The following ZFP41 variants were observed in gnomAD, a reference collection of about 807,000 sequenced individuals.
The protein encoded by ZFP41 is ZFP41 zinc finger protein, also known as zinc finger protein 41 homolog.
Under a neutral mutation model 11.6 loss-of-function variants are expected in ZFP41, and 10 were observed. The observed-to-expected ratio is 0.86, with a 90% CI of 0.53 to 1.47. ZFP41 has a LOEUF of 1.47. Ranked by LOEUF, ZFP41 falls within the 40% of genes most tolerant of loss-of-function variation. The probability of loss-of-function intolerance (pLI) is 0.00; values close to 1 mark genes in which losing one functional copy is unlikely to be tolerated. For missense variants in ZFP41, 302 were observed against 264.6 expected (o/e 1.14, Z -0.98); for synonymous variants, 123 against 100.9 (o/e 1.22, Z -1.31).
intron 1 of ZFP41, 97 bp from the exon 2 acceptor site, chr8:143,249,593 T>TG (rs1401863462): frequency 4.7e-5 from 22 of 467,442 alleles, no homozygotes; most frequent in Non-Finnish European, 7.7e-5. Context: ...GAGACACTCT[T>TG]GGGGGAACAC....
chr8:143,249,477 G>A (rs1213170373), intron 1 of ZFP41: 1 of 190,318 alleles, frequency 5.3e-6, no homozygotes, highest in South Asian at 1.2e-4. Context: ...CCGGAACCCC[G>A]GCAGAGGAGC....
chr8:143,261,089 T>C lies in ZFP41; in HGVS notation c.*2215T>C, dbSNP rs1317184950. 1.3e-5 allele frequency: 2 copies of C among 152,308 alleles called. No individual in the cohort carries two copies. The highest frequency in any genetic ancestry group is 1.9e-4 in the East Asian group (1 of 5,178). 9.4% of individuals were successfully genotyped at this position (152,308 alleles called of 1,614,324 possible). On this transcript the variant is annotated 3_prime_UTR_variant, in exon 3 of 3. Coordinates refer to ENST00000330701, the MANE Select transcript of ZFP41 (RefSeq NM_173832.6). Reference sequence around the variant, plus strand: ...GACCAGCCCTCCTTGTCTGGGCCTCTGTTTCCTCTTCGACACAGGGAAGCA... The same window carrying C: ...GACCAGCCCTCCTTGTCTGGGCCTCCGTTTCCTCTTCGACACAGGGAAGCA...
At chr8:143,259,139 C>G (rs1260887937) in intron 2 of ZFP41, among the ~76,000 whole-genome samples, 1 of 152,234 alleles carries the variant, frequency 6.6e-6, no homozygotes, top group Non-Finnish European at 1.5e-5. Flanking sequence ...GTCTGTTGGT[C>G]AAGGGAAGCT....
Position 143,249,895 on chromosome 8 carries a change from G to A in ZFP41, c.52G>A (p.Ala18Thr), listed in dbSNP as rs1051391963. The A allele has an allele frequency of 8.1e-6, 13 of 1,612,466 alleles. No individual in the cohort carries two copies. The highest frequency in any genetic ancestry group is 1.1e-5 in the Non-Finnish European group (13 of 1,179,514). Residue 18 changes from alanine to threonine, a missense_variant, in exon 2 of 3, where the codon GCA (alanine) becomes ACA (threonine). By Grantham distance (58) the Ala-to-Thr change is moderately conservative. Transcript: ENST00000330701. ...KKKTPTPREE[A>T]DVQKSALREE... is the part of the protein sequence containing the mutation. ...GAAGACGCCGACCCCAAGGGAGGAG[G>A]CAGACGTGCAGAAGAGTGCGCTCAG...
Position 143,250,421 on chromosome 8 carries a change from A to G in ZFP41, c.578A>G (p.His193Arg). The change falls in exon 2 of 3, where the codon CAC becomes CGC. Residue 193 changes from histidine (H) to arginine (R), a missense_variant. By Grantham distance (29) the His-to-Arg change is conservative. Coordinates refer to ENST00000330701, the MANE Select transcript of ZFP41 (RefSeq NM_173832.6). ...SSCLIRHQKR[H>R]PRKKP is the part of the protein sequence containing the mutation. The stretch of plus-strand genomic sequence containing the variant: ...TGTCTCATCCGCCATCAGAAACGCC[A>G]CCCTCGGAAGAAGCCCTGAGCCGGG... The G allele has an allele frequency of 6.2e-7, 1 of 1,610,624 alleles. No individual in the cohort carries two copies. Among genetic ancestry groups the G allele is most frequent in the Non-Finnish European group, 8.5e-7 (1 of 1,177,902 alleles).
At chr8:143,258,700 A>G (rs1814969395) in intron 2 of ZFP41, among the ~76,000 whole-genome samples, 1 of 152,192 alleles carries the variant, frequency 6.6e-6, no homozygotes, top group South Asian at 2.1e-4. Flanking sequence ...ACGCAGCGAG[A>G]CCCCATCTCT....
chr8:143,256,960 G>C (rs1586716810), intron 2 of ZFP41, among the ~76,000 whole-genome samples: 1 of 152,254 alleles, frequency 6.6e-6, no homozygotes, highest in African/African-American at 2.4e-5. Flanking sequence ...GCTGACCTCT[G>C]CTTCGGTGTC....
In ZFP41 at chr8:143,251,620, C is replaced by T. The variant is rs556254575; in HGVS notation, c.*900+280C>T. The stretch of plus-strand genomic sequence containing the variant: ...CTGTCCTGGAAGGAGGGTCCCGATT[C>T]GAGCTGGAGATGGCCTTGGCCTTGT... On this transcript the variant is annotated intron_variant, in intron 2 of 2. Transcript: ENST00000330701. Among the ~76,000 whole-genome samples the T allele has an allele frequency of 1.1e-4, 17 of 152,360 alleles. No homozygotes were observed. The East Asian group carries it at 1.2e-3, about 10-fold the overall frequency.
chr8:143,252,610 CG>C (rs1345242292), intron 2 of ZFP41: 1 of 984,680 alleles, frequency 1.0e-6, no homozygotes, highest in Non-Finnish European at 1.2e-6. Flanking sequence ...GCACGGCCTT[CG>C]TGGCTTCTCA....
rs1816763795 is a variant in ZFP41, at chr8:143,249,881, C to T, written c.38C>T (p.Thr13Ile). The change falls in exon 2 of 3, where the codon ACC becomes ATC. Residue 13 changes from threonine to isoleucine, a missense_variant. Thr to Ile is a moderately conservative substitution (Grantham distance 89, BLOSUM62 -1). Transcript: ENST00000330701. ...GCAGGCAGAAAAAAGAAGACGCCGA[C>T]CCCAAGGGAGGAGGCAGACGTGCAG... ...KPAGRKKKTP[T>I]PREEADVQKS... 3 of 1,609,034 alleles carry T rather than the reference C, an allele frequency of 1.9e-6. No individual in the cohort carries two copies. The highest frequency in any genetic ancestry group is 2.5e-6 in the Non-Finnish European group (3 of 1,178,400).
chr8:143,258,908 C>T (rs1814973736), intron 2 of ZFP41, among the ~76,000 whole-genome samples: 1 of 152,200 alleles, frequency 6.6e-6, no homozygotes, highest in South Asian at 2.1e-4. Context: ...GTCCTCATCT[C>T]CTGCTGCGGC....
intron 1 of ZFP41, among the ~76,000 whole-genome samples, chr8:143,248,979 AAG>A (rs1413266854): frequency 6.6e-6 from 1 of 152,152 alleles, no homozygotes; most frequent in East Asian, 1.9e-4. Context: ...CCTCTCAACA[AAG>A]AGAATTCAAA....
Position 143,250,341 on chromosome 8 carries a change from C to A in ZFP41, c.498C>A (p.Thr166=). Residue 166 remains threonine (T), a synonymous_variant, in exon 2 of 3, where the codon ACC becomes ACA. Coordinates refer to ENST00000330701, the MANE Select transcript of ZFP41 (RefSeq NM_173832.6). ...TCCTGAAACATCAGAAGACGCACAC[C>A]GGGGAGAAGCCCTACGAATGCACGC... ...SNLLKHQKTH[T]GEKPYECTHC... 5 of 1,613,944 alleles carry A rather than the reference C, an allele frequency of 3.1e-6. No individual in the cohort carries two copies. Among genetic ancestry groups the A allele is most frequent in the Non-Finnish European group, 4.2e-6 (5 of 1,180,028 alleles).
rs765210845 is a variant in ZFP41, at chr8:143,250,363, A to G, written c.520A>G (p.Thr174Ala). 6.2e-7 allele frequency: 1 copy of G among 1,613,950 alleles called. No individual in the cohort carries two copies. Among genetic ancestry groups the G allele is most frequent in the Non-Finnish European group, 8.5e-7 (1 of 1,180,020 alleles). The change falls in exon 2 of 3, where the codon ACG becomes GCG. Residue 174 changes from threonine (T) to alanine (A), a missense_variant. Physicochemically the swap from Thr to Ala is moderately conservative, Grantham distance 58 (BLOSUM62 0). Transcript: ENST00000330701. ...THTGEKPYEC[T>A]HCGKAFAYSS... Reference sequence around the variant, plus strand: ...CACCGGGGAGAAGCCCTACGAATGCACGCACTGTGGGAAAGCCTTTGCCTA... The same window carrying G: ...CACCGGGGAGAAGCCCTACGAATGCGCGCACTGTGGGAAAGCCTTTGCCTA...
At chr8:143,252,365 C>T (rs1342309394) in intron 2 of ZFP41, among the ~76,000 whole-genome samples, 1 of 152,262 alleles carries the variant, frequency 6.6e-6, no homozygotes, top group Admixed American at 6.5e-5. Context: ...GAAGGCCCCA[C>T]CCCGCCATGC....
chr8:143,251,528 T>C (rs1814754379), intron 2 of ZFP41, among the ~76,000 whole-genome samples, 188 bp downstream of exon 2: 1 of 152,192 alleles, frequency 6.6e-6, no homozygotes, highest in African/African-American at 2.4e-5. Flanking sequence ...TATTGGGAAA[T>C]GTTGGCGCCT....
In ZFP41 at chr8:143,250,394, C is replaced by T. The variant is rs1563725985; in HGVS notation, c.551C>T (p.Ser184Phe). The T allele has an allele frequency of 1.9e-6, 3 of 1,613,214 alleles. No homozygotes were observed. The highest frequency in any genetic ancestry group is 1.7e-6 in the Non-Finnish European group (2 of 1,179,440). Residue 184 changes from serine to phenylalanine, a missense_variant, in exon 2 of 3, where the codon TCC becomes TTC. Coordinates refer to ENST00000330701, the MANE Select transcript of ZFP41 (RefSeq NM_173832.6). ...THCGKAFAYS[S>F]CLIRHQKRHP... is the part of the protein sequence containing the mutation. The stretch of plus-strand genomic sequence containing the variant: ...TGTGGGAAAGCCTTTGCCTACAGCT[C>T]CTGTCTCATCCGCCATCAGAAACGC...
intron 2 of ZFP41, among the ~76,000 whole-genome samples, chr8:143,254,959 A>C (rs1038938129): frequency 6.6e-5 from 10 of 152,188 alleles, no homozygotes; most frequent in African/African-American, 1.7e-4. Flanking sequence ...GGTTATTATA[A>C]ATAATGCCAC....
In ZFP41 at chr8:143,247,007, T is replaced by A. The variant is rs967940320; in HGVS notation, c.-290T>A. On this transcript the variant is annotated 5_prime_UTR_variant, in exon 1 of 3. Coordinates refer to ENST00000330701, the MANE Select transcript of ZFP41 (RefSeq NM_173832.6). ...TGGGGAGCTGTTGGGGGGTCCCGCA[T>A]CTAGGGCTCTCCTTTCCTGCCTCCG... is the stretch of plus-strand genomic sequence containing the variant. 6.6e-6 allele frequency: 1 copy of A among 152,522 alleles called. No homozygotes were observed. The highest frequency in any genetic ancestry group is 1.5e-5 in the Non-Finnish European group (1 of 68,288). 9.4% of individuals were successfully genotyped at this position (152,522 alleles called of 1,614,324 possible).
Sources: gnomAD v4.1 joint callset for allele counts (sites outside exome capture counted in the v4.1 genomes callset) on GRCh38, gnomAD v4.1.1 for gene constraint, MANE v1.5 for transcripts, NCBI Gene and HGNC (gene_info 2026-07-23, HGNC 2026-07-21) for gene names.